The following PRAC2 variants were observed in gnomAD, a reference collection of about 807,000 sequenced individuals.
PRAC2 encodes the protein protein PRAC2.
For missense variants in PRAC2, 92 were observed against 114.5 expected (o/e 0.80, Z 0.90); for synonymous variants, 43 against 49.5 (o/e 0.87, Z 0.55).
At position 48,724,460 on chromosome 17, in the gene PRAC2, CCTT is replaced by C. The variant is rs550126263; in HGVS notation, c.58_60del (p.Phe20del). On this transcript the variant is annotated inframe_deletion, in exon 2 of 2. Transcript: ENST00000422730. ...CGGCCTGGCTCCCGCAGACCGACCG[CCTT>C]CTTCTTCCATTCGAGATGGCTCGTA... The C allele has an allele frequency of 1.8e-4, 217 of 1,234,242 alleles. No homozygotes were observed. In the African/African-American group the frequency reaches 2.6e-3, roughly 15 times the overall value. 76.5% of individuals were successfully genotyped at this position (1,234,242 alleles called of 1,614,324 possible).
At chr17:48,718,710 C>A (rs943909973), upstream of PRAC2, among the ~76,000 whole-genome samples, 112 of 152,290 alleles carry the variant, frequency 7.4e-4, 1 homozygote, top group Admixed American at 7.3e-3. Flanking sequence ...CAGACAAAGG[C>A]AGAAGGGTTG....
rs56290537 is a variant in PRAC2 at position 48,724,636 on chromosome 17, G to C, written c.226G>C (p.Ala76Pro). ...HEAPGRWKPV[A>P]PRTMKACPQV... Reference sequence around the variant, plus strand: ...GGCCCCAGGCCGCTGGAAGCCTGTAGCTCCGCGGACGATGAAAGCCTGCCC... The same window carrying C: ...GGCCCCAGGCCGCTGGAAGCCTGTACCTCCGCGGACGATGAAAGCCTGCCC... The change falls in exon 2 of 2, where the codon GCT becomes CCT. Residue 76 changes from alanine to proline, a missense_variant. Physicochemically the swap from Ala to Pro is conservative, Grantham distance 27. Transcript: ENST00000422730. 4.6e-3 allele frequency: 5,627 copies of C among 1,232,192 alleles called. 200 individuals carry two copies. In the African/African-American group the frequency reaches 0.072, roughly 16 times the overall value. 76.3% of individuals were successfully genotyped at this position (1,232,192 alleles called of 1,614,324 possible).
upstream of PRAC2, among the ~76,000 whole-genome samples, chr17:48,720,206 C>T (rs2038131809): frequency 6.6e-6 from 1 of 152,192 alleles, no homozygotes; most frequent in South Asian, 2.1e-4. Flanking sequence ...GAGGGTAAGG[C>T]GATCAGCCTC....
upstream of PRAC2, chr17:48,722,213 C>T (rs2143042756): frequency 1.0e-6 from 1 of 983,812 alleles, no homozygotes; most frequent in Non-Finnish European, 1.6e-6. Flanking sequence ...CCCAAAACTT[C>T]TGAAGGCTCC....
chr17:48,723,913 A>G (rs942577890), intron 1 of PRAC2: 8 of 612,710 alleles, frequency 1.3e-5, no homozygotes, highest in Non-Finnish European at 1.9e-5. Context: ...TAGCTTGCTG[A>G]GAGATTCGCT....
Position 48,724,740 on chromosome 17 carries a change from A to C in PRAC2, c.*57A>C, listed in dbSNP as rs2038188141. The C allele has an allele frequency of 1.1e-6, 1 of 913,120 alleles. No homozygotes were observed. The highest frequency in any genetic ancestry group is 1.4e-6 in the Non-Finnish European group (1 of 697,428). The allele number at this position is 913,120 out of a possible 1,614,324, so 56.6% of individuals were successfully genotyped here. A position where few individuals can be genotyped will look rare whatever the true frequency, so the allele number is the denominator to read the frequency against. ...TTAATGGTCCTAACACACCAGTGGA[A>C]TAAATCTCTAAGATTCCACATCTTT... On this transcript the variant is annotated 3_prime_UTR_variant, in exon 2 of 2. Coordinates refer to ENST00000422730, the MANE Select transcript of PRAC2 (RefSeq NM_001282275.2).
chr17:48,721,120 C>T (rs1361948245), upstream of PRAC2, among the ~76,000 whole-genome samples: 1 of 152,100 alleles, frequency 6.6e-6, no homozygotes, highest in Non-Finnish European at 1.5e-5. Flanking sequence ...ACTGTGCCCA[C>T]CCCAAGACCA....
chr17:48,722,783 C>T (rs1297829965), upstream of PRAC2, among the ~76,000 whole-genome samples: 1 of 152,172 alleles, frequency 6.6e-6, no homozygotes, highest in Non-Finnish European at 1.5e-5. Context: ...CTTCCTCCCT[C>T]TTCCCATAAA....
intron 1 of PRAC2, chr17:48,723,700 G>A: frequency 8.1e-7 from 1 of 1,231,776 alleles, no homozygotes; most frequent in Non-Finnish European, 1.0e-6. Context: ...AGTAAAACCC[G>A]AAAGATGGAG....
At chr17:48,721,055 G>A (rs2038140469), upstream of PRAC2, among the ~76,000 whole-genome samples, 1 of 152,202 alleles carries the variant, frequency 6.6e-6, no homozygotes, top group Non-Finnish European at 1.5e-5. Flanking sequence ...TGGCAGGGAA[G>A]GAGCCAGCTG....
chr17:48,722,516 A>T, upstream of PRAC2: 1 of 802,790 alleles, frequency 1.2e-6, no homozygotes, highest in Non-Finnish European at 2.1e-6. Flanking sequence ...TAGGAGAGGA[A>T]GGACGGGAGC....
Position 48,724,575 on chromosome 17 carries a change from G to T in PRAC2, c.165G>T (p.Arg55=). The change falls in exon 2 of 2, where the codon CGG becomes CGT. Residue 55 remains arginine, a synonymous_variant. Coordinates refer to ENST00000422730, the MANE Select transcript of PRAC2 (RefSeq NM_001282275.2). ...PMPWPNGRRH[R]VLDPHTQLST... is the part of the protein sequence containing the mutation. ...CCTGGCCGAATGGCAGGCGACATCG[G>T]GTCCTGGACCCCCACACGCAGCTCA... is the stretch of plus-strand genomic sequence containing the variant. 1 of 1,232,112 alleles carries T rather than the reference G, an allele frequency of 8.1e-7. No individual in the cohort carries two copies. The highest frequency in any genetic ancestry group is 3.2e-5 in the East Asian group (1 of 31,690). 76.3% of individuals were successfully genotyped at this position (1,232,112 alleles called of 1,614,324 possible).
upstream of PRAC2, among the ~76,000 whole-genome samples, chr17:48,722,758 C>T (rs75061610): frequency 3.8e-3 from 572 of 152,286 alleles, 7 homozygotes; most frequent in African/African-American, 0.011. Context: ...CAGAGAAGTC[C>T]TCTCTTCCCC....
chr17:48,722,053 C>G (rs1407043974), upstream of PRAC2, among the ~76,000 whole-genome samples: 2 of 152,214 alleles, frequency 1.3e-5, no homozygotes, highest in Non-Finnish European at 2.9e-5. Context: ...AAGCCTCTCC[C>G]CCGCCTAGGT....
rs909489640 is a variant in PRAC2, at chr17:48,723,208, A to G, written c.-189A>G. On this transcript the variant is annotated 5_prime_UTR_variant, in exon 1 of 2. Transcript: ENST00000422730. Reference sequence around the variant, plus strand: ...CCGAGCTTTCTCCCCTCTTCCCTGGAGAGCGACTGTTCGGGAGGGTGAGAA... The same window carrying G: ...CCGAGCTTTCTCCCCTCTTCCCTGGGGAGCGACTGTTCGGGAGGGTGAGAA... The G allele has an allele frequency of 7.2e-5, 11 of 152,278 alleles. No individual in the cohort carries two copies. The highest frequency in any genetic ancestry group is 2.6e-4 in the African/African-American group (11 of 41,528). 9.4% of individuals were successfully genotyped at this position (152,278 alleles called of 1,614,324 possible).
chr17:48,723,446 A>G, intron 1 of PRAC2, 133 bp downstream of exon 1: 1 of 358,740 alleles, frequency 2.8e-6, no homozygotes, highest in Admixed American at 4.7e-5. Context: ...CACCTTCAAT[A>G]TAACTTTAAT....
chr17:48,721,895 G>A (rs1277230934), upstream of PRAC2: 2 of 1,512,554 alleles, frequency 1.3e-6, no homozygotes, highest in Non-Finnish European at 1.8e-6. Context: ...CAAAGTAGAT[G>A]TTTTCTAAAA....
chr17:48,722,534 T>A, upstream of PRAC2: 1 of 702,682 alleles, frequency 1.4e-6, no homozygotes, highest in South Asian at 1.7e-5. Context: ...AGCACAGCAC[T>A]GGGTGCCCCT....
At chr17:48,722,379 T>C (rs368233157), upstream of PRAC2, 12 of 1,614,048 alleles carry the variant, frequency 7.4e-6, no homozygotes, top group South Asian at 1.1e-5. Flanking sequence ...ATCTGAGAAA[T>C]GGGCGCACAA....
Sources: gnomAD v4.1 joint callset for allele counts (sites outside exome capture counted in the v4.1 genomes callset) on GRCh38, gnomAD v4.1.1 for gene constraint, MANE v1.5 for transcripts, NCBI Gene and HGNC (gene_info 2026-07-23, HGNC 2026-07-21) for gene names.